Variants in IFT140 observed in about 807,000 individuals in gnomAD.
IFT140 encodes the protein intraflagellar transport protein 140 homolog.
A neutral mutation model predicts 164.6 loss-of-function variants in IFT140; 133 were observed. That is an observed-to-expected ratio of 0.81 (90% CI 0.70 to 0.93). The LOEUF (loss-of-function observed/expected upper bound fraction) is 0.93. Among genes scored for constraint, IFT140 ranks in the 40% least tolerant of loss-of-function variants. The pLI is 0.00. For synonymous variants in IFT140, 860 were observed against 817.3 expected (o/e 1.05, Z -0.89); for missense variants, 2,045 against 1,972.3 (o/e 1.04, Z -0.70).
rs1189321205 is a variant in IFT140 at position 1,511,189 on chromosome 16, C to A, written c.4183-39G>T. 5 of 1,556,024 alleles carry A rather than the reference C, an allele frequency of 3.2e-6. No individual in the cohort carries two copies. In the African/African-American group the frequency reaches 5.4e-5, roughly 17 times the overall value. ...GCAGACATTACTCAGCTTTCCTGAA[C>A]AACCAGGCACGACCCTCTGCCTGCA... On this transcript the variant is annotated intron_variant, in intron 30 of 30. Transcript: ENST00000426508.
In IFT140 at chr16:1,582,986, C is replaced by G. The variant is rs757479710; in HGVS notation, c.1432+328G>C. Among the ~76,000 whole-genome samples, 37 of 152,222 alleles carry G rather than the reference C, an allele frequency of 2.4e-4. 1 individual carries two copies. On this transcript the variant is annotated intron_variant, in intron 12 of 30. Coordinates refer to ENST00000426508, the MANE Select transcript of IFT140 (RefSeq NM_014714.4). ...TGAGGAGCCACCTTGAAGTTTCAGA[C>G]AGAGGCTGGCCTTGGGTCAAGACAC...
chr16:1,555,510 G>C (rs951775163), intron 19 of IFT140: 1 of 161,198 alleles, frequency 6.2e-6, no homozygotes, highest in African/African-American at 2.4e-5. Flanking sequence ...AGACAGAATC[G>C]TGTTCGTGTC....
chr16:1,592,038 G>T, intron 6 of IFT140, 138 bp downstream of exon 6: 1 of 920,608 alleles, frequency 1.1e-6, no homozygotes, highest in Non-Finnish European at 1.6e-6. Context: ...ACTCCGCCTG[G>T]CACACGTCAT....
chr16:1,611,669 G>A (rs1041152452), intron 1 of IFT140, among the ~76,000 whole-genome samples: 16 of 151,358 alleles, frequency 1.1e-4, no homozygotes, highest in Non-Finnish European at 1.8e-4. Context: ...ACACAAATTA[G>A]CGAGTATGGT....
chr16:1,547,865 T>C (rs1009994903), intron 19 of IFT140, among the ~76,000 whole-genome samples: 1 of 152,160 alleles, frequency 6.6e-6, no homozygotes, highest in African/African-American at 2.4e-5. Context: ...AAAGCATAGA[T>C]GGGGTCTTGC....
At chr16:1,604,171 C>A (rs1270825686) in intron 3 of IFT140, among the ~76,000 whole-genome samples, 2 of 152,204 alleles carry the variant, frequency 1.3e-5, no homozygotes. Flanking sequence ...TGGGGCTGGA[C>A]TGAGCCCTAA....
chr16:1,607,034 ATG>A (rs1301567927), intron 3 of IFT140, 84 bp downstream of exon 3: 1 of 1,167,762 alleles, frequency 8.6e-7, no homozygotes, highest in Non-Finnish European at 1.2e-6. Flanking sequence ...ACACACACAC[ATG>A]TGCACACACA....
chr16:1,538,214 C>T (rs1376125901), intron 19 of IFT140, among the ~76,000 whole-genome samples: 1 of 152,184 alleles, frequency 6.6e-6, no homozygotes, highest in Non-Finnish European at 1.5e-5. Flanking sequence ...GTGAGCCATG[C>T]ACCCTGGGGA....
At chr16:1,604,393 TGAA>T (rs1453856597) in intron 3 of IFT140, 3 of 151,882 alleles carry the variant, frequency 2.0e-5, no homozygotes, top group Admixed American at 2.0e-4. Context: ...CAAAAATGGA[TGAA>T]GGAGTGTCTT....
intron 18 of IFT140, among the ~76,000 whole-genome samples, chr16:1,561,592 T>C (rs2033412010): frequency 6.6e-6 from 1 of 152,188 alleles, no homozygotes; most frequent in South Asian, 2.1e-4. Flanking sequence ...CTACAGTGAA[T>C]ATAGAAATGC....
At chr16:1,542,661 G>C (rs548925850) in intron 19 of IFT140, among the ~76,000 whole-genome samples, 1 of 152,394 alleles carries the variant, frequency 6.6e-6, no homozygotes, top group Non-Finnish European at 1.5e-5. Context: ...GAACACGCTA[G>C]CACGTTCCAC....
intron 19 of IFT140, among the ~76,000 whole-genome samples, chr16:1,544,565 G>C (rs2031980578): frequency 6.6e-6 from 1 of 151,552 alleles, no homozygotes; most frequent in Non-Finnish European, 1.5e-5. Context: ...CCTGATCTCA[G>C]GTGATCCACC....
chr16:1,557,778 G>T, intron 19 of IFT140, 157 bp downstream of exon 19: 1 of 743,738 alleles, frequency 1.3e-6, no homozygotes, highest in Non-Finnish European at 2.2e-6. Context: ...TGCAAGCTGG[G>T]CAGCATTTCA....
At chr16:1,587,664 C>CA (rs1257220012) in intron 8 of IFT140, among the ~76,000 whole-genome samples, 1 of 152,176 alleles carries the variant, frequency 6.6e-6, no homozygotes, top group African/African-American at 2.4e-5. Context: ...AAAAACCAGG[C>CA]AAAGAGATTC....
intron 4 of IFT140, among the ~76,000 whole-genome samples, chr16:1,597,406 G>A (rs1427780101): frequency 6.6e-6 from 1 of 152,210 alleles, no homozygotes. Context: ...GGGAGCAGGA[G>A]CAGGCCGTCC....
At chr16:1,554,053 G>A (rs747116643) in intron 19 of IFT140, 1 of 1,287,210 alleles carries the variant, frequency 7.8e-7, no homozygotes. Flanking sequence ...GGAAAGAGAG[G>A]GGAAAGCATG....
chr16:1,518,654 A>G (rs1233404565), intron 29 of IFT140, among the ~76,000 whole-genome samples: 1 of 151,810 alleles, frequency 6.6e-6, no homozygotes, highest in Non-Finnish European at 1.5e-5. Context: ...CCTCTGCACA[A>G]AGCGTGACCC....
In IFT140 at chr16:1,592,576, G is replaced by C. The variant is rs1276436237; in HGVS notation, c.382C>G (p.Leu128Val). The change falls in exon 5 of 31, where the codon CTC becomes GTC. Residue 128 changes from leucine (L) to valine (V), a missense_variant. Coordinates refer to ENST00000426508, the MANE Select transcript of IFT140 (RefSeq NM_014714.4). ...LLSGDRLGVL[L>V]LWRLDQRGRV... is the part of the protein sequence containing the mutation. ...CCCCTTTGGTCCAACCTCCACAAGA[G>C]CAAGACACCAAGCTGGAAAGACCCA... 5.0e-6 allele frequency: 8 copies of C among 1,614,120 alleles called. No individual in the cohort carries two copies. In the African/African-American group the frequency reaches 8.0e-5, roughly 16 times the overall value.
chr16:1,592,417 T>A, intron 5 of IFT140, 50 bp downstream of exon 5: 1 of 1,609,750 alleles, frequency 6.2e-7, no homozygotes. Flanking sequence ...GCTTCCCACC[T>A]CCCCCGATGT....
Sources: gnomAD v4.1 joint callset for allele counts (sites outside exome capture counted in the v4.1 genomes callset) on GRCh38, gnomAD v4.1.1 for gene constraint, MANE v1.5 for transcripts, NCBI Gene and HGNC (gene_info 2026-07-23, HGNC 2026-07-21) for gene names.